RPL5: variants seen among roughly 807,000 people sequenced by gnomAD.
RPL5 encodes the protein ribosomal protein L5, also known as large ribosomal subunit protein uL18.
Under a neutral mutation model 38.4 loss-of-function variants are expected in RPL5, and 1 was observed. That is an observed-to-expected ratio of 0.03 (90% CI 0.01 to 0.12). The LOEUF is 0.12. RPL5 is among the 10% of genes least tolerant of loss of function. RPL5 has a pLI of 1.00. For missense variants in RPL5, 243 were observed against 374.1 expected, an observed-to-expected ratio of 0.65 and a Z score of 2.89; for synonymous variants, 109 against 121.2, an observed-to-expected ratio of 0.90 and a Z score of 0.66.
In RPL5 at chr1:92,837,587, A is replaced by G. The variant is rs1385870362; in HGVS notation, c.659A>G (p.Lys220Arg). ...ATGGAAGAAGATGAAGATGCTTACA[A>G]GAAACAGTTCTCTCAATACATAAAG... ...YLMEEDEDAYKKQFSQYIKNS... is the reference protein window; with the variant it reads ...YLMEEDEDAYRKQFSQYIKNS... The change falls in exon 6 of 8, where the codon AAG becomes AGG. Residue 220 changes from lysine to arginine, a missense_variant. Lys to Arg is a conservative substitution (Grantham distance 26). Coordinates refer to ENST00000370321, the MANE Select transcript of RPL5 (RefSeq NM_000969.5). 7 of 1,612,196 alleles carry G rather than the reference A, an allele frequency of 4.3e-6. No homozygotes were observed. The highest frequency in any genetic ancestry group is 2.2e-5 in the East Asian group (1 of 44,878).
In RPL5 at chr1:92,836,396, A is replaced by G; in HGVS notation, c.527+4A>G. ...GAGGCTTGTCTATCCCTCACAGGTA[A>G]GAATACTATTTAAGACCTTGGTGCC... On this transcript the variant is annotated splice_donor_region_variant and intron_variant, in intron 5 of 7. Coordinates refer to ENST00000370321, the MANE Select transcript of RPL5 (RefSeq NM_000969.5). 1 of 1,613,852 alleles carries G rather than the reference A, an allele frequency of 6.2e-7. No individual in the cohort carries two copies. Among genetic ancestry groups the G allele is most frequent in the Non-Finnish European group, 8.5e-7 (1 of 1,179,732 alleles).
chr1:92,835,131 C>G (rs1228018260), intron 4 of RPL5: 35 of 612,862 alleles, frequency 5.7e-5, no homozygotes, highest in Non-Finnish European at 8.6e-6. Flanking sequence ...AGTGGTTTTG[C>G]CACTAGCGAC....
intron 1 of RPL5, 85 bp from the exon 2 acceptor site, chr1:92,833,304 T>C: frequency 9.2e-7 from 1 of 1,092,274 alleles, no homozygotes; most frequent in Non-Finnish European, 1.4e-6. Context: ...GAAGTTCAAG[T>C]GTTACTTTGT....
intron 1 of RPL5, 184 bp downstream of exon 1, chr1:92,832,301 T>TG (rs1205737713): frequency 4.4e-6 from 4 of 911,158 alleles, no homozygotes; most frequent in African/African-American, 1.6e-5. Flanking sequence ...TGCGCGAACT[T>TG]GGGGGGAGGG....
chr1:92,836,142 A>G, intron 4 of RPL5, 48 bp from the exon 5 acceptor site: 1 of 1,527,038 alleles, frequency 6.5e-7, no homozygotes, highest in Non-Finnish European at 9.1e-7. Flanking sequence ...TTAATTTTAG[A>G]GCAGTTTGAA....
intron 7 of RPL5, 182 bp downstream of exon 7, chr1:92,840,821 C>G (rs1687333007): frequency 1.4e-6 from 1 of 719,274 alleles, no homozygotes. Flanking sequence ...TCAGACACTA[C>G]TGAGGTGGTT....
At position 92,832,100 on chromosome 1, in the gene RPL5, T is replaced by G. The variant is rs755133627; in HGVS notation, c.-15T>G. On this transcript the variant is annotated 5_prime_UTR_variant, in exon 1 of 8. Transcript: ENST00000370321. ...GTCTCTGTCGAGCAGCGGACGCCGG[T>G]CTCTGTTCCGCAGGATGGTGAGTGG... 3 of 1,613,974 alleles carry G rather than the reference T, an allele frequency of 1.9e-6. No homozygotes were observed. Among genetic ancestry groups the G allele is most frequent in the Non-Finnish European group, 2.5e-6 (3 of 1,179,986 alleles).
chr1:92,841,737 T>TA (rs1233891263), intron 7 of RPL5, 29 bp from the exon 8 acceptor site: 1 of 1,480,786 alleles, frequency 6.8e-7, no homozygotes, highest in East Asian at 2.3e-5. Context: ...AGTTATAGTT[T>TA]AAAAAATATA....
At position 92,836,572 on chromosome 1, in the gene RPL5, A is replaced by G. The variant is rs557142703; in HGVS notation, c.527+180A>G. 6.3e-6 allele frequency: 4 copies of G among 631,522 alleles called. No individual in the cohort carries two copies. In the East Asian group the frequency reaches 1.1e-4, roughly 18 times the overall value. The allele number at this position is 631,522 out of a possible 1,614,324, so 39.1% of individuals were successfully genotyped here. ...GGAATTATAGCCCATTTTATAAATTAAGAGTCTGAGGCCCAGAGTTATTTG... is the reference window on the plus strand; with the variant it reads ...GGAATTATAGCCCATTTTATAAATTGAGAGTCTGAGGCCCAGAGTTATTTG... On this transcript the variant is annotated intron_variant, in intron 5 of 7. Coordinates refer to ENST00000370321, the MANE Select transcript of RPL5 (RefSeq NM_000969.5).
chr1:92,836,586 C>T (rs1386943875), intron 5 of RPL5, 194 bp downstream of exon 5: 2 of 598,158 alleles, frequency 3.3e-6, no homozygotes, highest in South Asian at 1.9e-5. Flanking sequence ...GTCTGAGGCC[C>T]AGAGTTATTT....
At chr1:92,834,617 T>A (rs1041219460) in intron 3 of RPL5, among the ~76,000 whole-genome samples, 162 bp from the exon 4 acceptor site, 9 of 152,252 alleles carry the variant, frequency 5.9e-5, no homozygotes, top group African/African-American at 2.2e-4. Flanking sequence ...TTTGACTTTT[T>A]AAGCACCTCT....
intron 6 of RPL5, among the ~76,000 whole-genome samples, chr1:92,839,418 G>C (rs1387614998): frequency 2.0e-5 from 3 of 152,126 alleles, no homozygotes; most frequent in African/African-American, 7.2e-5. Flanking sequence ...GAAAACTTCT[G>C]ACATCTTTCT....
At chr1:92,832,944 A>G in intron 1 of RPL5, 1 of 708,746 alleles carries the variant, frequency 1.4e-6, no homozygotes, top group Non-Finnish European at 2.6e-6. Context: ...AGTGGGACAT[A>G]GCGTGTTCCG....
intron 5 of RPL5, chr1:92,837,062 A>G: frequency 3.1e-6 from 1 of 325,738 alleles, no homozygotes; most frequent in Non-Finnish European, 5.9e-6. Context: ...TTGCAAGTAC[A>G]CCAAGAGCAT....
intron 6 of RPL5, chr1:92,840,330 A>T (rs148460263): frequency 2.7e-5 from 13 of 489,144 alleles, no homozygotes; most frequent in African/African-American, 2.2e-4. Flanking sequence ...TTCTTGAGTA[A>T]GATGGAGTTC....
intron 6 of RPL5, among the ~76,000 whole-genome samples, chr1:92,838,541 C>T (rs1687213994): frequency 6.6e-6 from 1 of 152,218 alleles, no homozygotes; most frequent in South Asian, 2.1e-4. Flanking sequence ...TGCCTTCCTT[C>T]AGCTAGACTA....
chr1:92,840,536 T>C lies in RPL5; in HGVS notation c.706-15T>C, dbSNP rs1213976024. 1 of 1,600,162 alleles carries C rather than the reference T, an allele frequency of 6.2e-7. No homozygotes were observed. The highest frequency in any genetic ancestry group is 1.3e-5 in the African/African-American group (1 of 74,642). ...TGAAATGAAACCAAGTACTGTTTGC[T>C]TTCCTTTGTTTCAGATGGAGGAGAT... is the stretch of plus-strand genomic sequence containing the variant. On this transcript the variant is annotated splice_polypyrimidine_tract_variant and intron_variant, in intron 6 of 7. Coordinates refer to ENST00000370321, the MANE Select transcript of RPL5 (RefSeq NM_000969.5).
In RPL5 at chr1:92,834,921, C is replaced by G. The variant is rs757380425; in HGVS notation, c.324+8C>G. 5 of 1,600,318 alleles carry G rather than the reference C, an allele frequency of 3.1e-6. No homozygotes were observed. The highest frequency in any genetic ancestry group is 1.1e-5 in the South Asian group (1 of 91,088). ...CTGCTGCTGGCCCGCAGGGTATGTACAAGATGATTTTAATTGATGTAGTTT... is the reference window on the plus strand; with the variant it reads ...CTGCTGCTGGCCCGCAGGGTATGTAGAAGATGATTTTAATTGATGTAGTTT... On this transcript the variant is annotated splice_region_variant and intron_variant, in intron 4 of 7. Transcript: ENST00000370321.
chr1:92,837,623 C>T lies in RPL5; in HGVS notation c.695C>T (p.Thr232Ile), dbSNP rs1457060815. 6.2e-7 allele frequency: 1 copy of T among 1,611,848 alleles called. No homozygotes were observed. The highest frequency in any genetic ancestry group is 2.2e-5 in the East Asian group (1 of 44,868). Residue 232 changes from threonine (T) to isoleucine (I), a missense_variant, in exon 6 of 8, where the codon ACT (threonine) becomes ATT (isoleucine). Coordinates refer to ENST00000370321, the MANE Select transcript of RPL5 (RefSeq NM_000969.5). Reference protein sequence around the residue: ...QFSQYIKNSVTPDMMEEMYKK... With the variant: ...QFSQYIKNSVIPDMMEEMYKK... ...TCTCAATACATAAAGAACAGCGTAA[C>T]TCCAGACATGGTAAAACATTTACCT...
Sources: allele counts gnomAD v4.1 joint callset (sites outside exome capture counted in the v4.1 genomes callset), GRCh38; gene constraint gnomAD v4.1.1; transcripts MANE v1.5; gene names NCBI Gene and HGNC (gene_info 2026-07-23, HGNC 2026-07-21).